Variants in FMNL3 observed in about 807,000 individuals in gnomAD.
FMNL3 encodes formin-like protein 3.
In FMNL3, 57 loss-of-function variants were observed where a neutral mutation model predicts 119.6. The observed-to-expected ratio is 0.48, with a 90% CI of 0.39 to 0.59. FMNL3 has a LOEUF of 0.59. FMNL3 is among the 20% of genes least tolerant of loss of function. FMNL3 has a pLI of 0.00. For synonymous variants in FMNL3, 491 were observed against 507.3 expected, an observed-to-expected ratio of 0.97 and a Z score of 0.43; for missense variants, 1,053 against 1,323.5, an observed-to-expected ratio of 0.80 and a Z score of 3.17.
In FMNL3 at chr12:49,707,147, C is replaced by A; in HGVS notation, c.34G>T (p.Gly12Ter). The change falls in exon 1 of 26, where the codon GGA (glycine) becomes TGA (stop). Residue 12 changes from glycine to a stop codon, truncating the protein, a stop_gained. Transcript: ENST00000335154. LOFTEE classifies it high-confidence loss of function. ...AACAACGGGACAGAGGGGGGCTCTC[C>A]CGGGACCCCCTCGGCGCTCTCCAGG... ...GNLESAEGVP[G>*]EPPSVPLLLP... is the part of the protein sequence containing the mutation. 1 of 1,592,890 alleles carries A rather than the reference C, an allele frequency of 6.3e-7. No individual in the cohort carries two copies. The highest frequency in any genetic ancestry group is 2.3e-5 in the East Asian group (1 of 42,784).
At chr12:49,702,898 T>C (rs1436314149) in intron 1 of FMNL3, among the ~76,000 whole-genome samples, 1 of 152,116 alleles carries the variant, frequency 6.6e-6, no homozygotes, top group Non-Finnish European at 1.5e-5. Context: ...TCCAAGTTTT[T>C]CCCAGCCCAT....
chr12:49,638,523 G>A lies in FMNL3; in HGVS notation c.*7292C>T, dbSNP rs188074698. ...CATGGCCTGTTGCTCTTCTTCTACT[G>A]GAGAAGAGAAATAGTTCTCAATATT... On this transcript the variant is annotated 3_prime_UTR_variant, in exon 26 of 26. Coordinates refer to ENST00000335154, the MANE Select transcript of FMNL3 (RefSeq NM_175736.5). The A allele has an allele frequency of 6.6e-6, 1 of 152,230 alleles. No individual in the cohort carries two copies. Among genetic ancestry groups the A allele is most frequent in the Non-Finnish European group, 1.5e-5 (1 of 68,028 alleles). 9.4% of individuals were successfully genotyped at this position (152,230 alleles called of 1,614,324 possible). A position where few individuals can be genotyped will look rare whatever the true frequency, so the allele number is the denominator to read the frequency against.
Position 49,638,770 on chromosome 12 carries a change from C to T in FMNL3, c.*7045G>A, listed in dbSNP as rs1164184940. 1 of 152,154 alleles carries T rather than the reference C, an allele frequency of 6.6e-6. No homozygotes were observed. The highest frequency in any genetic ancestry group is 2.4e-5 in the African/African-American group (1 of 41,432). The allele number at this position is 152,154 out of a possible 1,614,324, so 9.4% of individuals were successfully genotyped here. On this transcript the variant is annotated 3_prime_UTR_variant, in exon 26 of 26. Coordinates refer to ENST00000335154, the MANE Select transcript of FMNL3 (RefSeq NM_175736.5). Reference sequence around the variant, plus strand: ...GTGTGACCTTGGATAGGTCACTTGACCTTTCTGACCCTGTTTCCTCATCTA... The same window carrying T: ...GTGTGACCTTGGATAGGTCACTTGATCTTTCTGACCCTGTTTCCTCATCTA...
chr12:49,642,559 G>A lies in FMNL3; in HGVS notation c.*3256C>T. On this transcript the variant is annotated 3_prime_UTR_variant, in exon 26 of 26. Transcript: ENST00000335154. This position sits in a 1 kb window ranked among gnomAD's most constrained non-coding sequence, Gnocchi z 5.8. The stretch of plus-strand genomic sequence containing the variant: ...GGCTGAGTGGGGCCTAGTCTGATCA[G>A]CAGTGCTCTCCTCGTTCAAGGTCCG... 1.9e-6 allele frequency: 3 copies of A among 1,613,538 alleles called. No individual in the cohort carries two copies. Among genetic ancestry groups the A allele is most frequent in the Non-Finnish European group, 2.5e-6 (3 of 1,179,466 alleles).
In FMNL3 at chr12:49,647,906, GGGA is replaced by G. The variant is rs1265087726; in HGVS notation, c.2677-105_2677-103del. ...GCAGAAAGCAGAGCCCAGGGCCAAAGGGAGGAAAACCAAGCACCCAGGCCCCTG... is the reference window on the plus strand; with the variant it reads ...GCAGAAAGCAGAGCCCAGGGCCAAAGGGAAAACCAAGCACCCAGGCCCCTG... On this transcript the variant is annotated intron_variant, in intron 22 of 25. Coordinates refer to ENST00000335154, the MANE Select transcript of FMNL3 (RefSeq NM_175736.5). The surrounding 1 kb of genome is among the most constrained non-coding windows in gnomAD (Gnocchi z 4.9). 9.9e-7 allele frequency: 1 copy of G among 1,011,140 alleles called. No individual in the cohort carries two copies. Among genetic ancestry groups the G allele is most frequent in the African/African-American group, 1.6e-5 (1 of 61,550 alleles). 62.6% of individuals were successfully genotyped at this position (1,011,140 alleles called of 1,614,324 possible).
chr12:49,646,432 G>A (rs1251954820), intron 25 of FMNL3, among the ~76,000 whole-genome samples: 1 of 152,238 alleles, frequency 6.6e-6, no homozygotes, highest in Admixed American at 6.5e-5. Context: ...GACAGCATTA[G>A]TGGGAGAGAG....
chr12:49,642,468 C>T lies in FMNL3; in HGVS notation c.*3347G>A. On this transcript the variant is annotated 3_prime_UTR_variant, in exon 26 of 26. Transcript: ENST00000335154. This position sits in a 1 kb window ranked among gnomAD's most constrained non-coding sequence, Gnocchi z 5.8. ...ACCCCAGTCACGTCACAGCCCTGGG[C>T]CAGCTCCAGTTCCCTTCCTTTCTCT... is the stretch of plus-strand genomic sequence containing the variant. 1 of 1,571,038 alleles carries T rather than the reference C, an allele frequency of 6.4e-7. No homozygotes were observed.
In FMNL3 at chr12:49,641,878, C is replaced by T. The variant is rs746441634; in HGVS notation, c.*3937G>A. ...CAGCTTTGGCCTCAGGCACGTGGTG[C>T]CCCTGCTTCATGCACTGCTGTACCC... is the stretch of plus-strand genomic sequence containing the variant. On this transcript the variant is annotated 3_prime_UTR_variant, in exon 26 of 26. Coordinates refer to ENST00000335154, the MANE Select transcript of FMNL3 (RefSeq NM_175736.5). 1.9e-6 allele frequency: 3 copies of T among 1,595,030 alleles called. No homozygotes were observed. Among genetic ancestry groups the T allele is most frequent in the Non-Finnish European group, 2.6e-6 (3 of 1,165,328 alleles).
chr12:49,650,675 C>T lies in FMNL3; in HGVS notation c.2000+1G>A, dbSNP rs1592642336. ...CAGAGCCAGGTCAGTGGGAGCCTCA[C>T]GTATGAATGGCCCTGCAGATCTCCT... On this transcript the variant is annotated splice_donor_variant, in intron 17 of 25. Coordinates refer to ENST00000335154, the MANE Select transcript of FMNL3 (RefSeq NM_175736.5). LOFTEE classifies it high-confidence loss of function. 6.2e-6 allele frequency: 10 copies of T among 1,612,822 alleles called. No homozygotes were observed. The highest frequency in any genetic ancestry group is 8.5e-6 in the Non-Finnish European group (10 of 1,179,948).
In FMNL3 at chr12:49,647,593, C is replaced by A. The variant is rs1037462652; in HGVS notation, c.2778+110G>T. On this transcript the variant is annotated intron_variant, in intron 23 of 25. Coordinates refer to ENST00000335154, the MANE Select transcript of FMNL3 (RefSeq NM_175736.5). This position sits in a 1 kb window ranked among gnomAD's most constrained non-coding sequence, Gnocchi z 4.9. ...TGTCACCAGCTTGCATCGCTCCCTT[C>A]CCAGGACTCGGAGGAGGAGTCGGAA... 3.7e-6 allele frequency: 4 copies of A among 1,071,776 alleles called. No individual in the cohort carries two copies. The highest frequency in any genetic ancestry group is 2.4e-5 in the East Asian group (1 of 41,484). The allele number at this position is 1,071,776 out of a possible 1,614,324, so 66.4% of individuals were successfully genotyped here. A position where few individuals can be genotyped will look rare whatever the true frequency, so the allele number is the denominator to read the frequency against.
rs1248924844 is a variant in FMNL3, at chr12:49,651,461, A to G, written c.1604-11T>C. The G allele has an allele frequency of 6.8e-7, 1 of 1,461,030 alleles. No homozygotes were observed. Among genetic ancestry groups the G allele is most frequent in the South Asian group, 1.6e-5 (1 of 63,272 alleles). The allele number at this position is 1,461,030 out of a possible 1,614,324, so 90.5% of individuals were successfully genotyped here. ...CTGGGGGACACTTGTCTGGGGGAAG[A>G]AGAAATGACACAGTGACCCAGGCGT... is the stretch of plus-strand genomic sequence containing the variant. On this transcript the variant is annotated splice_polypyrimidine_tract_variant and intron_variant, in intron 14 of 25. Transcript: ENST00000335154.
chr12:49,671,065 G>A (rs1944031900), intron 1 of FMNL3, among the ~76,000 whole-genome samples: 1 of 152,244 alleles, frequency 6.6e-6, no homozygotes, highest in Non-Finnish European at 1.5e-5. Flanking sequence ...TGGAATGGAG[G>A]AGGGGGCAGC....
In FMNL3 at chr12:49,645,104, CAAAAAAAAAAA is replaced by C. The variant is rs3073937; in HGVS notation, c.*700_*710del. 2 of 55,610 alleles carry C rather than the reference CAAAAAAAAAAA, an allele frequency of 3.6e-5. No individual in the cohort carries two copies. The highest frequency in any genetic ancestry group is 2.0e-4 in the Admixed American group (1 of 4,984). 3.4% of individuals were successfully genotyped at this position (55,610 alleles called of 1,614,324 possible). ...GACCACCATGCTCCTTGTCCCCTGC[CAAAAAAAAAAA>C]AAAAAAAAAAAAAACCGTAGCTGAG... On this transcript the variant is annotated 3_prime_UTR_variant, in exon 26 of 26. Coordinates refer to ENST00000335154, the MANE Select transcript of FMNL3 (RefSeq NM_175736.5).
chr12:49,656,538 T>A (rs1217020301), intron 8 of FMNL3, 41 bp from the exon 9 acceptor site: 1 of 1,552,786 alleles, frequency 6.4e-7, no homozygotes, highest in Non-Finnish European at 8.9e-7. Flanking sequence ...TAACTCCCCA[T>A]CCTGACAACC....
intron 1 of FMNL3, among the ~76,000 whole-genome samples, chr12:49,684,747 T>C (rs971956847): frequency 1.3e-5 from 2 of 152,206 alleles, no homozygotes; most frequent in Admixed American, 6.5e-5. Context: ...TCATGACAGA[T>C]GCCATCAGAA....
At chr12:49,699,898 A>G (rs868141726) in intron 1 of FMNL3, among the ~76,000 whole-genome samples, 4 of 152,368 alleles carry the variant, frequency 2.6e-5, no homozygotes, top group Middle Eastern at 6.8e-3. Flanking sequence ...GCTTACAGAG[A>G]AAGGTAGACA....
At chr12:49,659,713 G>A (rs754928387) in intron 5 of FMNL3, 97 of 955,434 alleles carry the variant, frequency 1.0e-4, no homozygotes, top group Non-Finnish European at 1.1e-4. Context: ...TGCACCCAGC[G>A]ACCGTCAGCA....
chr12:49,657,436 C>T (rs1357911908), intron 6 of FMNL3, among the ~76,000 whole-genome samples: 5 of 152,176 alleles, frequency 3.3e-5, no homozygotes, highest in African/African-American at 1.2e-4. Context: ...GTGCCCCAAC[C>T]CTAGAGATCC....
intron 1 of FMNL3, among the ~76,000 whole-genome samples, chr12:49,669,142 A>G (rs904579955): frequency 6.6e-6 from 1 of 152,256 alleles, no homozygotes; most frequent in Non-Finnish European, 1.5e-5. Flanking sequence ...CAAGTGAATG[A>G]GAAGAACATT....
Sources: allele counts gnomAD v4.1 joint callset (sites outside exome capture counted in the v4.1 genomes callset), GRCh38; gene constraint gnomAD v4.1.1; non-coding constraint Gnocchi (gnomAD v3.1); transcripts MANE v1.5; gene names NCBI Gene and HGNC (gene_info 2026-07-23, HGNC 2026-07-21).